Variants in FGGY observed in about 807,000 individuals in gnomAD.
The protein encoded by FGGY is FGGY carbohydrate kinase domain-containing protein.
Under a neutral mutation model 71.3 loss-of-function variants are expected in FGGY, and 72 were observed. That is an observed-to-expected ratio of 1.01 (90% CI 0.84 to 1.23). The LOEUF is 1.23. Among genes scored for constraint, FGGY ranks in the 50% most tolerant of loss-of-function variants. The pLI is 0.00. For missense variants in FGGY, 668 were observed against 682.3 expected (o/e 0.98, Z 0.23); for synonymous variants, 251 against 250.3 (o/e 1.00, Z -0.02).
At chr1:59,692,958 G>T (rs577214168) in intron 14 of FGGY, among the ~76,000 whole-genome samples, 1 of 152,248 alleles carries the variant, frequency 6.6e-6, no homozygotes, top group East Asian at 1.9e-4. Context: ...ACATCTGCCC[G>T]TGCTGAGCTC....
chr1:59,401,186 A>T (rs2061921114), intron 5 of FGGY, among the ~76,000 whole-genome samples: 1 of 152,218 alleles, frequency 6.6e-6, no homozygotes, highest in African/African-American at 2.4e-5. Context: ...AATAATTGGC[A>T]CATAATAACA....
At chr1:59,376,552 G>C (rs182428602) in intron 4 of FGGY, among the ~76,000 whole-genome samples, 2 of 152,298 alleles carry the variant, frequency 1.3e-5, no homozygotes, top group African/African-American at 4.8e-5. Context: ...GGACTTTTGT[G>C]TTGCTCTAAG....
At chr1:59,452,254 G>C (rs1008294377) in intron 5 of FGGY, among the ~76,000 whole-genome samples, 3 of 152,002 alleles carry the variant, frequency 2.0e-5, no homozygotes, top group Non-Finnish European at 4.4e-5. Context: ...GGGAGAGATG[G>C]TGAAATGAAT....
chr1:59,652,042 G>A (rs1362916097), intron 11 of FGGY, among the ~76,000 whole-genome samples: 6 of 150,532 alleles, frequency 4.0e-5, no homozygotes, highest in Admixed American at 6.6e-5. Context: ...GAAATTCTGG[G>A]TTGAAAATTC....
chr1:59,350,049 A>G lies in FGGY; in HGVS notation c.465+3651A>G, dbSNP rs151168927. On this transcript the variant is annotated intron_variant, in intron 4 of 15. Coordinates refer to ENST00000303721, the MANE Select transcript of FGGY (RefSeq NM_018291.5). ...GAATGGTACCTTTGTTTTTAATGCT[A>G]TGATGGGAGACACAGGAAAGTTTGA... Among the ~76,000 whole-genome samples the G allele has an allele frequency of 8.1e-4, 123 of 152,294 alleles. 1 individual carries two copies. The highest frequency in any genetic ancestry group is 3.4e-3 in the Middle Eastern group (1 of 294).
At chr1:59,699,370 A>G in intron 14 of FGGY, 1 of 985,416 alleles carries the variant, frequency 1.0e-6, no homozygotes, top group Non-Finnish European at 1.2e-6. Context: ...AAAGTGTTTC[A>G]TATTAAATGT....
chr1:59,620,967 G>A (rs1214173465), intron 9 of FGGY, among the ~76,000 whole-genome samples: 8 of 152,074 alleles, frequency 5.3e-5, no homozygotes, highest in African/African-American at 1.9e-4. Flanking sequence ...TTAAACAACA[G>A]ACATTTATTT....
At chr1:59,640,372 G>C (rs1195786883) in intron 11 of FGGY, among the ~76,000 whole-genome samples, 2 of 152,152 alleles carry the variant, frequency 1.3e-5, no homozygotes. Context: ...ATATCCTTTT[G>C]CTGGAAACTA....
chr1:59,680,351 G>A (rs979236861), intron 14 of FGGY, among the ~76,000 whole-genome samples: 2 of 151,242 alleles, frequency 1.3e-5, no homozygotes, highest in South Asian at 2.1e-4. Flanking sequence ...ACTTTGGAAT[G>A]GTATAATAAT....
In FGGY at chr1:59,541,110, T is replaced by C. The variant is rs111289295; in HGVS notation, c.800-13014T>C. Among the ~76,000 whole-genome samples, 811 of 152,268 alleles carry C rather than the reference T, an allele frequency of 5.3e-3. 12 individuals carry two copies. Among genetic ancestry groups the C allele is most frequent in the Non-Finnish European group, 7.0e-3 (479 of 68,014 alleles). On this transcript the variant is annotated intron_variant, in intron 7 of 15. Coordinates refer to ENST00000303721, the MANE Select transcript of FGGY (RefSeq NM_018291.5). ...TTAACAGTGAGCCTTCCTCAAACAA[T>C]GTATTAGATAGAATTGCAACTTCCT...
intron 6 of FGGY, among the ~76,000 whole-genome samples, chr1:59,481,957 C>T (rs1489444505): frequency 3.9e-5 from 6 of 152,122 alleles, no homozygotes; most frequent in African/African-American, 9.7e-5. Flanking sequence ...TTTATAGAAT[C>T]CTATTTCCTG....
In FGGY at chr1:59,736,389, C is replaced by G. The variant is rs552881355; in HGVS notation, c.1513-21542C>G. Among the ~76,000 whole-genome samples the G allele has an allele frequency of 7.4e-4, 113 of 152,110 alleles. 1 individual carries two copies. The highest frequency in any genetic ancestry group is 1.4e-3 in the Non-Finnish European group (93 of 68,028). On this transcript the variant is annotated intron_variant, in intron 14 of 15. Transcript: ENST00000303721. The stretch of plus-strand genomic sequence containing the variant: ...GCAGAGGTTGGAACAGTTTGGAGGG[C>G]TCAGAAGATAGGAAAATGTGGGAAA...
intron 6 of FGGY, among the ~76,000 whole-genome samples, chr1:59,496,686 TAAAAA>T (rs79791800): frequency 6.6e-6 from 1 of 150,868 alleles, no homozygotes; most frequent in African/African-American, 2.4e-5. Flanking sequence ...AAATAAAAGT[TAAAAA>T]AAAATAAAAT....
chr1:59,456,485 G>T (rs1027733435), intron 5 of FGGY, among the ~76,000 whole-genome samples: 1 of 138,694 alleles, frequency 7.2e-6, no homozygotes, highest in African/African-American at 2.7e-5. Flanking sequence ...GTCTCACCCT[G>T]TTGCCCAGGC....
intron 8 of FGGY, among the ~76,000 whole-genome samples, chr1:59,563,381 T>C (rs1379440286): frequency 6.6e-6 from 1 of 152,140 alleles, no homozygotes. Flanking sequence ...TTGGTTCTGT[T>C]TATGTGACGG....
At chr1:59,618,190 A>G (rs1208804097) in intron 9 of FGGY, among the ~76,000 whole-genome samples, 2 of 152,150 alleles carry the variant, frequency 1.3e-5, no homozygotes, top group African/African-American at 4.8e-5. Context: ...GTAGGACATA[A>G]AAATAGATAG....
intron 5 of FGGY, among the ~76,000 whole-genome samples, chr1:59,400,434 T>C (rs1205567446): frequency 2.0e-5 from 3 of 152,198 alleles, no homozygotes; most frequent in Admixed American, 2.0e-4. Context: ...CTTCATAGCC[T>C]CAAAACTTTG....
At chr1:59,552,147 G>A (rs913519781) in intron 7 of FGGY, among the ~76,000 whole-genome samples, 6 of 152,180 alleles carry the variant, frequency 3.9e-5, no homozygotes, top group African/African-American at 1.2e-4. Context: ...GACACCAGCC[G>A]ATGCTGGAGC....
chr1:59,458,545 A>T (rs181733692), intron 6 of FGGY, among the ~76,000 whole-genome samples: 14 of 152,292 alleles, frequency 9.2e-5, no homozygotes, highest in African/African-American at 3.1e-4. Flanking sequence ...CCTGCCTCAC[A>T]CATGACACAT....
Sources: allele counts gnomAD v4.1 joint callset (sites outside exome capture counted in the v4.1 genomes callset), GRCh38; gene constraint gnomAD v4.1.1; transcripts MANE v1.5; gene names NCBI Gene and HGNC (gene_info 2026-07-23, HGNC 2026-07-21).